The following EPS8L3 variants were observed in gnomAD, a reference collection of about 807,000 sequenced individuals.
EPS8L3 encodes EPS8 signaling adaptor L3.
Under a neutral mutation model 88.5 loss-of-function variants are expected in EPS8L3, and 80 were observed. The ratio of observed to expected loss-of-function variants is 0.90; its 90% CI spans 0.75 to 1.09. The LOEUF is 1.09. Ranked by LOEUF, EPS8L3 falls within the 50% of genes least tolerant of loss-of-function variation. EPS8L3 has a pLI of 0.00. For synonymous variants in EPS8L3, 286 were observed against 291.0 expected (o/e 0.98, Z 0.18); for missense variants, 721 against 735.2 (o/e 0.98, Z 0.22).
intron 11 of EPS8L3, 102 bp downstream of exon 11, chr1:109,757,379 G>A: frequency 8.1e-7 from 1 of 1,232,342 alleles, no homozygotes; most frequent in Admixed American, 1.9e-5. Context: ...GTTCCACCCT[G>A]GCCCCTGCTC....
At position 109,752,000 on chromosome 1, in the gene EPS8L3, G is replaced by T. The variant is rs951499961; in HGVS notation, c.1429C>A (p.Leu477Met). The change falls in exon 15 of 19, where the codon CTG (leucine) becomes ATG (methionine). Residue 477 changes from leucine (L) to methionine (M), a missense_variant. Coordinates refer to ENST00000361965, the MANE Select transcript of EPS8L3 (RefSeq NM_133181.4). ...RELTVVQGEK[L>M]EVLDHSKRWW... ...GCCTATGGCCCAAGCCTCACCTCCA[G>T]CTTCTCTCCCTGGACCACAGTCAGT... 2.5e-6 allele frequency: 4 copies of T among 1,604,274 alleles called. No homozygotes were observed. The African/African-American group carries it at 5.4e-5, about 22-fold the overall frequency.
In EPS8L3 at chr1:109,752,702, C is replaced by T; in HGVS notation, c.1219G>A (p.Asp407Asn). ...PSSQAPLGYQ[D>N]PVSLRRGSHR... ...AGAGCATACCGAAGGGAAACAGGGT[C>T]CTGGTATCCTAAGGGTGCCTGTAAG... The change falls in exon 14 of 19, where the codon GAC becomes AAC. Residue 407 changes from aspartate to asparagine, a missense_variant. Asp to Asn is a conservative substitution (Grantham distance 23, BLOSUM62 1). Transcript: ENST00000361965. 1.9e-6 allele frequency: 3 copies of T among 1,552,030 alleles called. No homozygotes were observed. In the South Asian group the frequency reaches 3.6e-5, roughly 18 times the overall value.
Position 109,750,101 on chromosome 1 carries a change from T to G in EPS8L3, c.*290A>C. On this transcript the variant is annotated 3_prime_UTR_variant, in exon 19 of 19. Coordinates refer to ENST00000361965, the MANE Select transcript of EPS8L3 (RefSeq NM_133181.4). ...CATGACAAGCTTGAAGATGCTTTTA[T>G]TGAGAAGGAGAGGGACTGAACAGAT... 1 of 471,958 alleles carries G rather than the reference T, an allele frequency of 2.1e-6. No homozygotes were observed. Among genetic ancestry groups the G allele is most frequent in the Non-Finnish European group, 3.8e-6 (1 of 265,080 alleles). 29.2% of individuals were successfully genotyped at this position (471,958 alleles called of 1,614,324 possible).
At chr1:109,750,450 C>G (rs1209726532) in intron 18 of EPS8L3, 48 bp from the exon 19 acceptor site, 1 of 1,611,176 alleles carries the variant, frequency 6.2e-7, no homozygotes, top group Non-Finnish European at 8.5e-7. Flanking sequence ...GGTGAGGGAT[C>G]TGCAGAGCTT....
chr1:109,752,847 C>G, intron 13 of EPS8L3, 127 bp from the exon 14 acceptor site: 1 of 888,724 alleles, frequency 1.1e-6, no homozygotes, highest in Non-Finnish European at 1.8e-6. Context: ...TTTCCTGCCT[C>G]CCCCAGTTTA....
At chr1:109,761,062 C>G (rs1474383122) in intron 3 of EPS8L3, among the ~76,000 whole-genome samples, 2 of 152,136 alleles carry the variant, frequency 1.3e-5, no homozygotes, top group Non-Finnish European at 2.9e-5. Flanking sequence ...CTCAATCCCC[C>G]ACAGGGCCCA....
In EPS8L3 at chr1:109,750,361, C is replaced by T. The variant is rs779512283; in HGVS notation, c.*30G>A. On this transcript the variant is annotated 3_prime_UTR_variant, in exon 19 of 19. Coordinates refer to ENST00000361965, the MANE Select transcript of EPS8L3 (RefSeq NM_133181.4). The stretch of plus-strand genomic sequence containing the variant: ...GATCTGCCATCTTGCATCAGCGGGG[C>T]CTGGTTCTTGGAGGTGTCTAAGCTG... 1 of 1,613,274 alleles carries T rather than the reference C, an allele frequency of 6.2e-7. No individual in the cohort carries two copies. The highest frequency in any genetic ancestry group is 2.2e-5 in the East Asian group (1 of 44,882).
intron 3 of EPS8L3, among the ~76,000 whole-genome samples, chr1:109,760,463 T>C (rs1650795538): frequency 6.6e-6 from 1 of 152,124 alleles, no homozygotes; most frequent in South Asian, 2.1e-4. Context: ...CCAGGCTTCT[T>C]GTGGTAGGGA....
At position 109,759,822 on chromosome 1, in the gene EPS8L3, G is replaced by C; in HGVS notation, c.111C>G (p.Cys37Trp). ...LQHRVEHLMT[C>W]KQGSQRVQGP... Reference sequence around the variant, plus strand: ...CCTGGACTCTCTGACTCCCCTGCTTGCATGTCATCAAGTGCTGCAGGGAGA... The same window carrying C: ...CCTGGACTCTCTGACTCCCCTGCTTCCATGTCATCAAGTGCTGCAGGGAGA... The change falls in exon 4 of 19, where the codon TGC becomes TGG. Residue 37 changes from cysteine to tryptophan, a missense_variant. Cys to Trp is a radical substitution (Grantham distance 215). Transcript: ENST00000361965. This position sits in a 1 kb window ranked among gnomAD's most constrained non-coding sequence, Gnocchi z 4.2. The C allele has an allele frequency of 6.2e-7, 1 of 1,613,882 alleles. No homozygotes were observed. The highest frequency in any genetic ancestry group is 8.5e-7 in the Non-Finnish European group (1 of 1,179,936).
At position 109,759,894 on chromosome 1, in the gene EPS8L3, G is replaced by T. The variant is rs1650731362; in HGVS notation, c.97-58C>A. 4 of 1,577,772 alleles carry T rather than the reference G, an allele frequency of 2.5e-6. No homozygotes were observed. Among genetic ancestry groups the T allele is most frequent in the East Asian group, 2.2e-5 (1 of 44,632 alleles). On this transcript the variant is annotated intron_variant, in intron 3 of 18. Transcript: ENST00000361965. This position sits in a 1 kb window ranked among gnomAD's most constrained non-coding sequence, Gnocchi z 4.2. ...GAAAGCTCAGAGAGGTGGACCACAG[G>T]CGTGCTGGGTAGAGAAAAGCAGAAG...
At position 109,751,790 on chromosome 1, in the gene EPS8L3, G is replaced by T; in HGVS notation, c.1435-8C>A. ...CTTGCTGTGGTCCAGAACCTGCCAA[G>T]AGTCACCACCTCAGTCCCCTGAGCC... On this transcript the variant is annotated splice_polypyrimidine_tract_variant and splice_region_variant and intron_variant, in intron 15 of 18. Transcript: ENST00000361965. 6.2e-7 allele frequency: 1 copy of T among 1,613,072 alleles called. No homozygotes were observed.
intron 15 of EPS8L3, 67 bp downstream of exon 15, chr1:109,751,928 C>T: frequency 6.4e-7 from 1 of 1,562,364 alleles, no homozygotes; most frequent in South Asian, 1.2e-5. Flanking sequence ...CTGGACCATC[C>T]ACCCTTGGCT....
chr1:109,755,516 T>G (rs1650196950), intron 12 of EPS8L3, among the ~76,000 whole-genome samples: 1 of 152,156 alleles, frequency 6.6e-6, no homozygotes, highest in Non-Finnish European at 1.5e-5. Flanking sequence ...TGAAAAGAAC[T>G]GGTCATGGCG....
chr1:109,759,192 A>T lies in EPS8L3; in HGVS notation c.405+46T>A. On this transcript the variant is annotated intron_variant, in intron 5 of 18. Coordinates refer to ENST00000361965, the MANE Select transcript of EPS8L3 (RefSeq NM_133181.4). This position sits in a 1 kb window ranked among gnomAD's most constrained non-coding sequence, Gnocchi z 4.2. ...GTGTGTGTGTGTGTGTGGTGGGGTG[A>T]TGGTCGATGAACCCCACCCCTGACC... 6.3e-7 allele frequency: 1 copy of T among 1,588,430 alleles called. No individual in the cohort carries two copies. Among genetic ancestry groups the T allele is most frequent in the East Asian group, 2.2e-5 (1 of 44,542 alleles).
intron 8 of EPS8L3, 119 bp downstream of exon 8, chr1:109,758,189 TCTGGCCTC>T (rs1399810611): frequency 7.0e-6 from 9 of 1,286,720 alleles, no homozygotes; most frequent in Non-Finnish European, 1.0e-5. Context: ...AACAAGCCTC[TCTGGCCTC>T]CTGGCCCAGG....
chr1:109,759,872 A>G lies in EPS8L3; in HGVS notation c.97-36T>C. On this transcript the variant is annotated intron_variant, in intron 3 of 18. Coordinates refer to ENST00000361965, the MANE Select transcript of EPS8L3 (RefSeq NM_133181.4). The surrounding 1 kb of genome is among the most constrained non-coding windows in gnomAD (Gnocchi z 4.2). ...AGGGGGAGTCCTAGGACTGGGAGAA[A>G]GCTCAGAGAGGTGGACCACAGGCGT... is the stretch of plus-strand genomic sequence containing the variant. 1 of 1,606,946 alleles carries G rather than the reference A, an allele frequency of 6.2e-7. No individual in the cohort carries two copies.
chr1:109,755,329 G>T (rs1300643523), intron 12 of EPS8L3, among the ~76,000 whole-genome samples: 1 of 152,112 alleles, frequency 6.6e-6, no homozygotes, highest in African/African-American at 2.4e-5. Flanking sequence ...TGGTGTTGGT[G>T]GCACACATTG....
At position 109,761,724 on chromosome 1, in the gene EPS8L3, A is replaced by G; in HGVS notation, c.26T>C (p.Ile9Thr). ...GGGGCCTGCCAGGAGCTTACAGTAA[A>G]TGGCTCTGCTGCTGGGCCTTGACAT... is the stretch of plus-strand genomic sequence containing the variant. MSRPSSRA[I>T]YLHRKEYSQN... The change falls in exon 2 of 19, where the codon ATT (isoleucine) becomes ACT (threonine). Residue 9 changes from isoleucine to threonine, a missense_variant. Physicochemically the swap from Ile to Thr is moderately conservative, Grantham distance 89. Coordinates refer to ENST00000361965, the MANE Select transcript of EPS8L3 (RefSeq NM_133181.4). 1 of 1,613,934 alleles carries G rather than the reference A, an allele frequency of 6.2e-7. No individual in the cohort carries two copies.
At position 109,750,259 on chromosome 1, in the gene EPS8L3, G is replaced by T. The variant is rs1239317228; in HGVS notation, c.*132C>A. On this transcript the variant is annotated 3_prime_UTR_variant, in exon 19 of 19. Coordinates refer to ENST00000361965, the MANE Select transcript of EPS8L3 (RefSeq NM_133181.4). The stretch of plus-strand genomic sequence containing the variant: ...GCCTCTGGGCCTGTCCATTGTTTTT[G>T]CTGTGTGAGCTGGGGTGTGGGGTTT... The T allele has an allele frequency of 9.1e-7, 1 of 1,102,578 alleles. No individual in the cohort carries two copies. Among genetic ancestry groups the T allele is most frequent in the Non-Finnish European group, 1.3e-6 (1 of 748,604 alleles). 68.3% of individuals were successfully genotyped at this position (1,102,578 alleles called of 1,614,324 possible).
Sources: allele counts gnomAD v4.1 joint callset (sites outside exome capture counted in the v4.1 genomes callset), GRCh38; gene constraint gnomAD v4.1.1; non-coding constraint Gnocchi (gnomAD v3.1); transcripts MANE v1.5; gene names NCBI Gene and HGNC (gene_info 2026-07-23, HGNC 2026-07-21).